Variants in MGAT4C observed in about 807,000 individuals in gnomAD.
MGAT4C encodes MGAT4 family member C.
In MGAT4C, 19 loss-of-function variants were observed where a neutral mutation model predicts 40.1. The observed-to-expected ratio is 0.47, with a 90% CI of 0.33 to 0.70. The LOEUF (loss-of-function observed/expected upper bound fraction) is 0.70, where lower values mean the gene tolerates loss of function less well. MGAT4C is among the 30% of genes least tolerant of loss of function. The probability of loss-of-function intolerance (pLI) is 0.02; values close to 1 mark genes in which losing one functional copy is unlikely to be tolerated. For missense variants in MGAT4C, 491 were observed against 563.2 expected, an observed-to-expected ratio of 0.87 and a Z score of 1.30; for synonymous variants, 181 against 187.1, an observed-to-expected ratio of 0.97 and a Z score of 0.27.
At chr12:86,115,187 G>T (rs1878193300) in intron 1 of MGAT4C, among the ~76,000 whole-genome samples, 1 of 151,950 alleles carries the variant, frequency 6.6e-6, no homozygotes, top group Admixed American at 6.6e-5. Context: ...AGATAAGGTT[G>T]TTAATGAATA....
At chr12:86,057,699 C>A (rs1014091258) in intron 1 of MGAT4C, among the ~76,000 whole-genome samples, 1 of 152,136 alleles carries the variant, frequency 6.6e-6, no homozygotes, top group African/African-American at 2.4e-5. Flanking sequence ...ATCTACCCAA[C>A]GCTGTAACCT....
At chr12:86,629,937 A>AAC (rs1213479136) in intron 2 of MGAT4C, among the ~76,000 whole-genome samples, 1 of 152,178 alleles carries the variant, frequency 6.6e-6, no homozygotes, top group African/African-American at 2.4e-5. Context: ...GGCACAAAAA[A>AAC]CCATTCAAAA....
chr12:86,416,319 T>C (rs1565746616), intron 3 of MGAT4C, among the ~76,000 whole-genome samples: 1 of 152,222 alleles, frequency 6.6e-6, no homozygotes, highest in East Asian at 1.9e-4. Flanking sequence ...ATAAAAATTT[T>C]TCTTTATAAA....
rs574090333 is a variant in MGAT4C, at chr12:86,279,666, T to C, written c.-57+54399A>G. ...TTATTTCTGCTCTGATCTTTTTTTT[T>C]TCTTCTACTAATTTTGGGTTCCATT... On this transcript the variant is annotated intron_variant, in intron 4 of 7. Transcript: ENST00000548651. Among the ~76,000 whole-genome samples the C allele has an allele frequency of 2.8e-3, 420 of 151,798 alleles. 2 individuals are homozygous for C. Among genetic ancestry groups the C allele is most frequent in the African/African-American group, 9.8e-3 (405 of 41,494 alleles).
chr12:86,546,068 C>T (rs946150516), intron 2 of MGAT4C, among the ~76,000 whole-genome samples: 4 of 151,952 alleles, frequency 2.6e-5, no homozygotes, highest in African/African-American at 7.2e-5. Flanking sequence ...AAAACGTTGA[C>T]GTTTTTGAAT....
upstream of MGAT4C, among the ~76,000 whole-genome samples, chr12:86,258,726 C>T (rs891462761): frequency 6.6e-6 from 1 of 151,912 alleles, no homozygotes; most frequent in Admixed American, 6.6e-5. Context: ...AAGATGGAGT[C>T]TCTAATGAAT....
intron 2 of MGAT4C, among the ~76,000 whole-genome samples, chr12:86,673,285 G>A (rs1281292516): frequency 2.0e-5 from 3 of 152,098 alleles, no homozygotes; most frequent in Non-Finnish European, 4.4e-5. Flanking sequence ...ATATTCCATA[G>A]GGTAACTTTG....
intron 2 of MGAT4C, among the ~76,000 whole-genome samples, chr12:86,589,563 A>G (rs1403307655): frequency 2.6e-5 from 4 of 152,024 alleles, no homozygotes; most frequent in African/African-American, 9.7e-5. Context: ...TGAGGCCAGC[A>G]TCATCCTGAT....
Position 85,980,208 on chromosome 12 carries a change from T to C in MGAT4C, c.518A>G (p.His173Arg), listed in dbSNP as rs1222961428. 1.6e-5 allele frequency: 26 copies of C among 1,613,900 alleles called. No homozygotes were observed. Among genetic ancestry groups the C allele is most frequent in the Non-Finnish European group, 2.1e-5 (25 of 1,179,860 alleles). Residue 173 changes from histidine to arginine, a missense_variant, in exon 5 of 5, where the codon CAT (histidine) becomes CGT (arginine). Coordinates refer to ENST00000611864, the MANE Select transcript of MGAT4C (RefSeq NM_001351288.2). The part of the protein sequence containing the change: ...HIIAGRLMVI[H>R]APEEYYPILD... Reference sequence around the variant, plus strand: ...GATTGGGTAATACTCCTCTGGAGCATGTATAACCATTAATCTTCCTGCAAT... The same window carrying C: ...GATTGGGTAATACTCCTCTGGAGCACGTATAACCATTAATCTTCCTGCAAT...
intron 2 of MGAT4C, among the ~76,000 whole-genome samples, chr12:86,603,345 A>T (rs61950834): frequency 0.77 from 101,796 of 132,638 alleles, 40,673 homozygotes; most frequent in Middle Eastern, 0.88. Context: ...TATAGTATAT[A>T]ATTATATAGT....
intron 1 of MGAT4C, among the ~76,000 whole-genome samples, chr12:86,810,542 T>C (rs1952452650): frequency 6.6e-6 from 1 of 151,976 alleles, no homozygotes; most frequent in South Asian, 2.1e-4. Flanking sequence ...CTATCATGAA[T>C]GGTTATTGGA....
At chr12:86,143,054 C>T (rs148451482) in intron 1 of MGAT4C, among the ~76,000 whole-genome samples, 1 of 152,118 alleles carries the variant, frequency 6.6e-6, no homozygotes, top group Admixed American at 6.5e-5. Flanking sequence ...GAAACAGAAC[C>T]CTTACCAGAA....
chr12:86,815,809 G>T (rs1275150069), intron 1 of MGAT4C, among the ~76,000 whole-genome samples: 1 of 146,624 alleles, frequency 6.8e-6, no homozygotes, highest in Non-Finnish European at 1.5e-5. Context: ...GCTAAGCTAT[G>T]AGGACACAAA....
At chr12:86,368,430 C>A (rs11103942) in intron 3 of MGAT4C, among the ~76,000 whole-genome samples, 5,087 of 150,796 alleles carry the variant, frequency 0.034, 128 homozygotes, top group Non-Finnish European at 0.047. Context: ...ACTTCCGTCA[C>A]CTTTAGGCTT....
chr12:86,180,219 G>A (rs1299949864), intron 1 of MGAT4C, among the ~76,000 whole-genome samples: 1 of 152,234 alleles, frequency 6.6e-6, no homozygotes, highest in Non-Finnish European at 1.5e-5. Flanking sequence ...GTCAAGAATT[G>A]AGGTTTGAGA....
At chr12:86,582,459 T>A (rs1321276865) in intron 2 of MGAT4C, among the ~76,000 whole-genome samples, 1 of 151,152 alleles carries the variant, frequency 6.6e-6, no homozygotes, top group Non-Finnish European at 1.5e-5. Flanking sequence ...TTGAATGAAA[T>A]CCAATTATGC....
intron 2 of MGAT4C, among the ~76,000 whole-genome samples, chr12:86,661,342 A>G (rs1963975208): frequency 6.6e-6 from 1 of 152,024 alleles, no homozygotes; most frequent in Admixed American, 6.5e-5. Context: ...TATATAATCC[A>G]AGATAAAAGT....
intron 3 of MGAT4C, among the ~76,000 whole-genome samples, chr12:86,354,216 T>G (rs1474775859): frequency 6.6e-6 from 1 of 152,126 alleles, no homozygotes; most frequent in African/African-American, 2.4e-5. Flanking sequence ...AGTCTGAACC[T>G]CATCTATTTG....
intron 1 of MGAT4C, among the ~76,000 whole-genome samples, chr12:86,728,718 C>T (rs1442256204): frequency 2.6e-5 from 4 of 152,146 alleles, no homozygotes; most frequent in Non-Finnish European, 4.4e-5. Flanking sequence ...ATTATACTCC[C>T]GCTCACTACT....
Sources: gnomAD v4.1 joint callset for allele counts (sites outside exome capture counted in the v4.1 genomes callset) on GRCh38, gnomAD v4.1.1 for gene constraint, MANE v1.5 for transcripts, NCBI Gene and HGNC (gene_info 2026-07-23, HGNC 2026-07-21) for gene names.